The following CDH8 variants were observed in gnomAD, a reference collection of about 807,000 sequenced individuals.
The protein encoded by CDH8 is cadherin-8.
Under a neutral mutation model 68.1 loss-of-function variants are expected in CDH8, and 17 were observed. The observed-to-expected ratio is 0.25, with a 90% CI of 0.17 to 0.37. CDH8 has a LOEUF of 0.37. Among genes scored for constraint, CDH8 ranks in the 10% least tolerant of loss-of-function variants. The pLI is 1.00. For missense variants in CDH8, 763 were observed against 999.3 expected (o/e 0.76, Z 3.19); for synonymous variants, 372 against 365.1 (o/e 1.02, Z -0.21).
intron 8 of CDH8, among the ~76,000 whole-genome samples, chr16:61,752,815 GC>G (rs1274138036): frequency 2.6e-5 from 4 of 152,150 alleles, no homozygotes; most frequent in Non-Finnish European, 4.4e-5. Flanking sequence ...TGTTTTATCT[GC>G]CCTTGAAGGC....
intron 2 of CDH8, among the ~76,000 whole-genome samples, chr16:62,013,434 A>G (rs2408011): frequency 0.034 from 5,238 of 152,200 alleles, 193 homozygotes; most frequent in African/African-American, 0.092. Flanking sequence ...ATGGCTCATT[A>G]TTTTTGTAAA....
chr16:61,906,770 GA>G (rs1964069585), intron 2 of CDH8, among the ~76,000 whole-genome samples: 1 of 152,116 alleles, frequency 6.6e-6, no homozygotes, highest in African/African-American at 2.4e-5. Flanking sequence ...ATTGTAAAAA[GA>G]AGACAAAGGA....
At chr16:61,703,417 T>C (rs1964469587) in intron 10 of CDH8, among the ~76,000 whole-genome samples, 1 of 152,234 alleles carries the variant, frequency 6.6e-6, no homozygotes, top group Admixed American at 6.5e-5. Context: ...TCTAAAACTT[T>C]CTTTGTACAA....
intron 3 of CDH8, among the ~76,000 whole-genome samples, chr16:61,899,119 C>A (rs1204174404): frequency 2.0e-5 from 3 of 152,248 alleles, no homozygotes; most frequent in Admixed American, 2.0e-4. Context: ...CTAACGCTAT[C>A]CCTCCTCTGG....
intron 9 of CDH8, among the ~76,000 whole-genome samples, chr16:61,719,091 T>C (rs1959199276): frequency 6.6e-6 from 1 of 151,058 alleles, no homozygotes; most frequent in Admixed American, 6.6e-5. Context: ...CCAAGATTTT[T>C]ATTCCATACC....
chr16:61,954,714 A>G (rs183640804), intron 2 of CDH8, among the ~76,000 whole-genome samples: 59 of 151,350 alleles, frequency 3.9e-4, no homozygotes, highest in East Asian at 1.9e-3. Context: ...AAAAAAAAAA[A>G]AAAGAAAGAA....
At chr16:61,659,308 T>C (rs527910541) in intron 10 of CDH8, among the ~76,000 whole-genome samples, 95 of 152,268 alleles carry the variant, frequency 6.2e-4, no homozygotes, top group African/African-American at 2.1e-3. Context: ...CTCTGGTGCA[T>C]GAACAAGAAC....
chr16:61,910,338 CA>C (rs34671955), intron 2 of CDH8, among the ~76,000 whole-genome samples: 3,534 of 120,736 alleles, frequency 0.029, 113 homozygotes, highest in African/African-American at 0.085. Context: ...CAAGCAGCCA[CA>C]AAAAAAAAAA....
At position 61,725,966 on chromosome 16, in the gene CDH8, T is replaced by A. The variant is rs1959351596; in HGVS notation, c.1536+1128A>T. 6 of 150,592 alleles carry A rather than the reference T, an allele frequency of 4.0e-5. No homozygotes were observed. The South Asian group carries it at 1.2e-3, about 31-fold the overall frequency. 9.3% of individuals were successfully genotyped at this position (150,592 alleles called of 1,614,324 possible). ...ATGGAAACAATGCTAATTCTCCAGATACATGAGAGTAGTCTACGGAGAAAT... is the reference window on the plus strand; with the variant it reads ...ATGGAAACAATGCTAATTCTCCAGAAACATGAGAGTAGTCTACGGAGAAAT... On this transcript the variant is annotated intron_variant, in intron 9 of 11. Transcript: ENST00000577390.
At chr16:62,023,084 C>T (rs75208269) in intron 1 of CDH8, among the ~76,000 whole-genome samples, 213 of 152,286 alleles carry the variant, frequency 1.4e-3, no homozygotes, top group African/African-American at 4.9e-3. Flanking sequence ...CGCCTTAAAA[C>T]AGATTCCCCT....
At chr16:61,825,714 T>G (rs970058773) in intron 4 of CDH8, among the ~76,000 whole-genome samples, 1 of 151,894 alleles carries the variant, frequency 6.6e-6, no homozygotes, top group Non-Finnish European at 1.5e-5. Context: ...TATAGTCAAG[T>G]GTCTTAAGTT....
intron 8 of CDH8, among the ~76,000 whole-genome samples, chr16:61,736,559 C>A (rs1959691965): frequency 6.6e-6 from 1 of 152,038 alleles, no homozygotes; most frequent in African/African-American, 2.4e-5. Context: ...ACAGAAAAAA[C>A]AATAAAACAA....
intron 10 of CDH8, among the ~76,000 whole-genome samples, chr16:61,713,005 C>A (rs911579648): frequency 6.6e-6 from 1 of 151,556 alleles, no homozygotes; most frequent in Non-Finnish European, 1.5e-5. Context: ...GAGACCTAAA[C>A]AGATACCTGC....
chr16:61,783,387 A>G (rs1400150800), intron 8 of CDH8, among the ~76,000 whole-genome samples: 5 of 148,914 alleles, frequency 3.4e-5, no homozygotes, highest in African/African-American at 5.0e-5. Context: ...AGGTTAGAGA[A>G]AAAAGAATAA....
At chr16:61,657,616 A>T (rs1163256234) in intron 10 of CDH8, among the ~76,000 whole-genome samples, 1 of 152,132 alleles carries the variant, frequency 6.6e-6, no homozygotes, top group African/African-American at 2.4e-5. Flanking sequence ...TATTTTCAGA[A>T]AGTATGTGAC....
chr16:61,893,415 AGTGT>A (rs139637026), intron 3 of CDH8, among the ~76,000 whole-genome samples: 63 of 145,722 alleles, frequency 4.3e-4, no homozygotes, highest in East Asian at 1.9e-3. Flanking sequence ...TGTGTGTGTG[AGTGT>A]GTGTGTGTGT....
intron 2 of CDH8, among the ~76,000 whole-genome samples, chr16:61,945,573 A>G (rs1428745488): frequency 1.3e-5 from 2 of 152,216 alleles, no homozygotes; most frequent in South Asian, 2.1e-4. Flanking sequence ...TGCAAAGTCT[A>G]AGTTTGCTTA....
At chr16:61,662,012 A>G (rs1434205708) in intron 10 of CDH8, among the ~76,000 whole-genome samples, 1 of 149,640 alleles carries the variant, frequency 6.7e-6, no homozygotes, top group Admixed American at 6.6e-5. Context: ...AAGAGGATCA[A>G]TGGTGTTTCT....
intron 3 of CDH8, among the ~76,000 whole-genome samples, chr16:61,872,852 A>G (rs1310178220): frequency 6.6e-6 from 1 of 152,188 alleles, no homozygotes; most frequent in Non-Finnish European, 1.5e-5. Flanking sequence ...CCTCTTTAAC[A>G]ACACAACTCA....
Sources: gnomAD v4.1 joint callset for allele counts (sites outside exome capture counted in the v4.1 genomes callset) on GRCh38, gnomAD v4.1.1 for gene constraint, MANE v1.5 for transcripts, NCBI Gene and HGNC (gene_info 2026-07-23, HGNC 2026-07-21) for gene names.